PCSK5: variants seen among roughly 807,000 people sequenced by gnomAD.
The protein encoded by PCSK5 is proprotein convertase subtilisin/kexin type 5.
In PCSK5, 129 loss-of-function variants were observed where a neutral mutation model predicts 233.2. The ratio of observed to expected loss-of-function variants is 0.55; its 90% confidence interval spans 0.48 to 0.64. The LOEUF is 0.64. Among genes scored for constraint, PCSK5 ranks in the 30% least tolerant of loss-of-function variants. The pLI is 0.00. For synonymous variants in PCSK5, 825 were observed against 879.2 expected (o/e 0.94, Z 1.09); for missense variants, 2,076 against 2,430.1 (o/e 0.85, Z 3.06).
chr9:76,158,794 C>A (rs1302983031), intron 11 of PCSK5, among the ~76,000 whole-genome samples, 189 bp from the exon 12 acceptor site: 1 of 152,184 alleles, frequency 6.6e-6, no homozygotes, highest in Non-Finnish European at 1.5e-5. Flanking sequence ...TTTTTCACCT[C>A]TCCCTTGCAT....
At chr9:76,132,397 C>T (rs1234581163) in intron 9 of PCSK5, among the ~76,000 whole-genome samples, 1 of 152,050 alleles carries the variant, frequency 6.6e-6, no homozygotes, top group Non-Finnish European at 1.5e-5. Context: ...TCATCGTTCT[C>T]ATATTTTTAA....
At chr9:76,015,701 A>G (rs1223571495) in intron 3 of PCSK5, among the ~76,000 whole-genome samples, 1 of 152,122 alleles carries the variant, frequency 6.6e-6, no homozygotes, top group Non-Finnish European at 1.5e-5. Context: ...AGGTGTTCTT[A>G]TTGCCTTTCT....
chr9:76,115,020 C>T (rs1465775693), intron 9 of PCSK5, among the ~76,000 whole-genome samples: 1 of 151,994 alleles, frequency 6.6e-6, no homozygotes, highest in Non-Finnish European at 1.5e-5. Flanking sequence ...GTATAGCCAA[C>T]AGGTAATGAA....
chr9:76,086,839 G>C (rs56869949), intron 7 of PCSK5, among the ~76,000 whole-genome samples: 4,207 of 152,120 alleles, frequency 0.028, 141 homozygotes, highest in African/African-American at 0.076. Context: ...ACTGAATGAA[G>C]CTTTTATGTG....
chr9:75,985,583 A>G (rs555590648), intron 2 of PCSK5, among the ~76,000 whole-genome samples: 1 of 152,298 alleles, frequency 6.6e-6, no homozygotes, highest in East Asian at 1.9e-4. Flanking sequence ...TCAGTAAGTC[A>G]GGAATTATAA....
chr9:75,932,341 C>G, intron 1 of PCSK5, 38 bp from the exon 2 acceptor site: 2 of 1,269,518 alleles, frequency 1.6e-6, no homozygotes, highest in East Asian at 4.7e-5. Flanking sequence ...ACATTAATGT[C>G]TTTTTTTTGT....
At chr9:76,043,260 C>G (rs551954082) in intron 5 of PCSK5, among the ~76,000 whole-genome samples, 4 of 138,984 alleles carry the variant, frequency 2.9e-5, no homozygotes, top group African/African-American at 1.1e-4. Flanking sequence ...GGCGTGTACC[C>G]GGGAGGTGGA....
At position 76,021,375 on chromosome 9, in the gene PCSK5, G is replaced by C. The variant is rs560258684; in HGVS notation, c.412-2363G>C. 2.3e-3 allele frequency among the ~76,000 whole-genome samples: 352 copies of C among 151,532 alleles called. 1 individual carries two copies. Among genetic ancestry groups the C allele is most frequent in the Non-Finnish European group, 4.0e-3 (271 of 67,868 alleles). The stretch of plus-strand genomic sequence containing the variant: ...TGTGTGTGTGGGTGTGGGTTGGGGG[G>C]TGTATTTCTAAGTTCAGAGAAGAGA... On this transcript the variant is annotated intron_variant, in intron 3 of 37. Transcript: ENST00000674117.
chr9:76,270,461 A>G (rs921529435), intron 24 of PCSK5, among the ~76,000 whole-genome samples: 6 of 152,142 alleles, frequency 3.9e-5, no homozygotes, highest in African/African-American at 1.4e-4. Context: ...GGCCCCCACA[A>G]TCTCCAAAGG....
intron 1 of PCSK5, among the ~76,000 whole-genome samples, chr9:75,918,558 A>G (rs997252883): frequency 6.6e-6 from 1 of 152,182 alleles, no homozygotes; most frequent in Admixed American, 6.5e-5. Context: ...ATCAAACTAT[A>G]TACACCTTCT....
At chr9:76,101,558 T>G (rs1831758083) in intron 8 of PCSK5, among the ~76,000 whole-genome samples, 2 of 152,324 alleles carry the variant, frequency 1.3e-5, no homozygotes, top group South Asian at 4.1e-4. Flanking sequence ...ATCTCTTTCT[T>G]TTGGGACTTT....
chr9:76,094,412 G>A (rs1373978377), intron 7 of PCSK5, among the ~76,000 whole-genome samples: 1 of 152,190 alleles, frequency 6.6e-6, no homozygotes, highest in Non-Finnish European at 1.5e-5. Flanking sequence ...TTTGGCCTCA[G>A]TGTCTTCCAA....
intron 30 of PCSK5, among the ~76,000 whole-genome samples, chr9:76,320,440 AAGAAAAAAAAAAAG>A (rs1829159788): frequency 1.5e-5 from 1 of 65,504 alleles, no homozygotes; most frequent in African/African-American, 7.4e-5. Context: ...AAAAAAAAAA[AAGAAAAAAAAAAAG>A]TACATTGTAG....
At chr9:76,215,121 G>A (rs1825474690) in intron 20 of PCSK5, among the ~76,000 whole-genome samples, 1 of 152,178 alleles carries the variant, frequency 6.6e-6, no homozygotes, top group Admixed American at 6.5e-5. Context: ...AAGCCCACAG[G>A]CAGCTTTTCC....
chr9:75,926,581 C>T (rs760678915), intron 1 of PCSK5, among the ~76,000 whole-genome samples: 1 of 152,194 alleles, frequency 6.6e-6, no homozygotes, highest in Non-Finnish European at 1.5e-5. Context: ...CATGGTTCTC[C>T]AGGCATCTCC....
In PCSK5 at chr9:76,358,806, A is replaced by G; in HGVS notation, c.5548A>G (p.Ile1850Val). 2 of 1,612,896 alleles carry G rather than the reference A, an allele frequency of 1.2e-6. No homozygotes were observed. Among genetic ancestry groups the G allele is most frequent in the Non-Finnish European group, 1.7e-6 (2 of 1,179,858 alleles). The part of the protein sequence containing the change: ...RDYDEDDDDD[I>V]VYMGQDGTVY... Reference sequence around the variant, plus strand: ...CTATGATGAGGATGATGATGATGACATCGTCTACATGGGCCAGGATGGCAC... The same window carrying G: ...CTATGATGAGGATGATGATGATGACGTCGTCTACATGGGCCAGGATGGCAC... The change falls in exon 38 of 38, where the codon ATC (isoleucine) becomes GTC (valine). Residue 1850 changes from isoleucine (I) to valine (V), a missense_variant. Ile to Val is a conservative substitution (Grantham distance 29). Transcript: ENST00000674117.
chr9:76,171,801 C>T (rs1302880997), intron 13 of PCSK5, among the ~76,000 whole-genome samples: 1 of 152,122 alleles, frequency 6.6e-6, no homozygotes, highest in African/African-American at 2.4e-5. Context: ...ACGAGAGATA[C>T]CCTAATGCTA....
chr9:76,034,117 C>T (rs914106103), intron 5 of PCSK5, among the ~76,000 whole-genome samples: 17 of 152,238 alleles, frequency 1.1e-4, no homozygotes, highest in Middle Eastern at 3.4e-3. Flanking sequence ...CGGAAAATTG[C>T]GGTGTAATAG....
intron 24 of PCSK5, among the ~76,000 whole-genome samples, chr9:76,254,290 T>G (rs1406221298): frequency 6.6e-6 from 1 of 152,228 alleles, no homozygotes; most frequent in Non-Finnish European, 1.5e-5. Flanking sequence ...GTCATGGGAC[T>G]GTTGCTGGCA....
Sources: allele counts gnomAD v4.1 joint callset (sites outside exome capture counted in the v4.1 genomes callset), GRCh38; gene constraint gnomAD v4.1.1; transcripts MANE v1.5; gene names NCBI Gene and HGNC (gene_info 2026-07-23, HGNC 2026-07-21).